Variants in TYW1 observed in about 807,000 individuals in gnomAD.
The protein encoded by TYW1 is tRNA-yW synthesizing protein 1 homolog.
In TYW1, 46 loss-of-function variants were observed where a neutral mutation model predicts 96.2. The observed-to-expected ratio is 0.48, with a 90% CI of 0.38 to 0.61. TYW1 has a LOEUF of 0.61. Among genes scored for constraint, TYW1 ranks in the 20% least tolerant of loss-of-function variants. The pLI is 0.00. For missense variants in TYW1, 684 were observed against 909.6 expected, an observed-to-expected ratio of 0.75 and a Z score of 3.19; for synonymous variants, 274 against 323.0, an observed-to-expected ratio of 0.85 and a Z score of 1.63.
intron 14 of TYW1, among the ~76,000 whole-genome samples, chr7:67,186,265 T>TCCCC (rs56401730): frequency 2.9e-3 from 199 of 68,240 alleles, no homozygotes; most frequent in Non-Finnish European, 3.6e-3. Flanking sequence ...CTTCCTTTCT[T>TCCCC]CCCCCCCGCC....
At chr7:67,007,244 A>G (rs11766621) in intron 3 of TYW1, among the ~76,000 whole-genome samples, 101,539 of 151,796 alleles carry the variant, frequency 0.67, 34,039 homozygotes, top group Middle Eastern at 0.75. Context: ...CCTCCCAAGG[A>G]TACCTGGGGG....
At chr7:67,009,437 G>T (rs866706491) in intron 3 of TYW1, 146 bp from the exon 4 acceptor site, 5 of 672,780 alleles carry the variant, frequency 7.4e-6, no homozygotes, top group Middle Eastern at 5.1e-4. Context: ...GTAAGAGTGA[G>T]GATAGAATTT....
chr7:67,078,472 G>A (rs966563080), intron 10 of TYW1, among the ~76,000 whole-genome samples: 2 of 152,104 alleles, frequency 1.3e-5, no homozygotes, highest in African/African-American at 4.8e-5. Flanking sequence ...GCTATTTGGG[G>A]ATTTTAATGG....
intron 6 of TYW1, among the ~76,000 whole-genome samples, chr7:67,020,855 C>T (rs1794230205): frequency 6.6e-6 from 1 of 152,278 alleles, no homozygotes; most frequent in Non-Finnish European, 1.5e-5. Context: ...TGGTGAAACC[C>T]TGTCTCTATT....
At chr7:67,069,468 G>A (rs1175606543) in intron 10 of TYW1, among the ~76,000 whole-genome samples, 1 of 152,224 alleles carries the variant, frequency 6.6e-6, no homozygotes, top group African/African-American at 2.4e-5. Context: ...GCCAGGTGCA[G>A]TGGCTTATGC....
At chr7:67,205,243 G>A (rs1288342819) in intron 15 of TYW1, among the ~76,000 whole-genome samples, 1 of 152,132 alleles carries the variant, frequency 6.6e-6, no homozygotes, top group Admixed American at 6.6e-5. Flanking sequence ...TTGACCTATT[G>A]TAGGAAGGGT....
intron 14 of TYW1, among the ~76,000 whole-genome samples, chr7:67,191,828 C>T (rs1180932044): frequency 2.6e-5 from 4 of 152,066 alleles, no homozygotes; most frequent in East Asian, 1.9e-4. Context: ...TCTGGCTCTG[C>T]GGTTGACTCA....
intron 10 of TYW1, among the ~76,000 whole-genome samples, chr7:67,082,960 C>G (rs1796432264): frequency 6.6e-6 from 1 of 151,660 alleles, no homozygotes; most frequent in Non-Finnish European, 1.5e-5. Context: ...GTTGTAGCTG[C>G]TTGGGTCCCA....
Position 67,091,115 on chromosome 7 carries a change from G to A in TYW1, c.1385-7426G>A, listed in dbSNP as rs543191040. On this transcript the variant is annotated intron_variant, in intron 11 of 15. Coordinates refer to ENST00000359626, the MANE Select transcript of TYW1 (RefSeq NM_018264.4). Reference sequence around the variant, plus strand: ...TGCTGTTATAAAGACACATGTACACGTATGTTTATTGCAGCACTATTCACA... The same window carrying A: ...TGCTGTTATAAAGACACATGTACACATATGTTTATTGCAGCACTATTCACA... Among the ~76,000 whole-genome samples the A allele has an allele frequency of 1.2e-4, 19 of 152,250 alleles. No individual in the cohort carries two copies. The East Asian group carries it at 2.3e-3, about 19-fold the overall frequency.
chr7:67,054,864 C>CT (rs1012999156), intron 8 of TYW1, among the ~76,000 whole-genome samples: 5 of 152,150 alleles, frequency 3.3e-5, no homozygotes, highest in African/African-American at 1.2e-4. Flanking sequence ...TTTGGCCTGG[C>CT]TTTTTCCATG....
chr7:67,090,393 A>T (rs1796676528), intron 11 of TYW1, among the ~76,000 whole-genome samples: 1 of 152,194 alleles, frequency 6.6e-6, no homozygotes, highest in African/African-American at 2.4e-5. Context: ...TATACTGAGC[A>T]TTACATCATG....
At chr7:66,997,234 C>G (rs1181200679) in intron 1 of TYW1, among the ~76,000 whole-genome samples, 4 of 152,098 alleles carry the variant, frequency 2.6e-5, no homozygotes, top group African/African-American at 9.7e-5. Context: ...AGGACTTTTG[C>G]ACCTGTAAAG....
chr7:67,188,797 T>C (rs1800109702), intron 14 of TYW1, among the ~76,000 whole-genome samples: 1 of 152,126 alleles, frequency 6.6e-6, no homozygotes, highest in Non-Finnish European at 1.5e-5. Flanking sequence ...GTGAAATCAA[T>C]AATACAAATT....
At chr7:67,115,583 C>A (rs539517605) in intron 12 of TYW1, among the ~76,000 whole-genome samples, 2 of 152,278 alleles carry the variant, frequency 1.3e-5, no homozygotes, top group South Asian at 4.1e-4. Context: ...TAAGCCACAT[C>A]ATTGCAAGCA....
At position 67,083,446 on chromosome 7, in the gene TYW1, G is replaced by A. The variant is rs1796444295; in HGVS notation, c.1291G>A (p.Val431Met). 5.6e-6 allele frequency: 9 copies of A among 1,614,026 alleles called. No homozygotes were observed. Among genetic ancestry groups the A allele is most frequent in the African/African-American group, 2.7e-5 (2 of 74,920 alleles). ...TGTTCCTAGGCACCACACCAACCCC[G>A]TGGGCACTGAGTGGCGGTGGAAGAT... ...VFCWRHHTNP[V>M]GTEWRWKMDQ... Residue 431 changes from valine (V) to methionine (M), a missense_variant, in exon 11 of 16, where the codon GTG (valine) becomes ATG (methionine). By Grantham distance (21) the Val-to-Met change is conservative. Transcript: ENST00000359626.
chr7:67,019,820 A>G (rs1198221690), intron 6 of TYW1, among the ~76,000 whole-genome samples: 1 of 152,292 alleles, frequency 6.6e-6, no homozygotes, highest in East Asian at 1.9e-4. Context: ...TTATAGCGAT[A>G]ATATTGATTA....
At chr7:67,194,861 G>T (rs1042273551) in intron 14 of TYW1, among the ~76,000 whole-genome samples, 9 of 143,114 alleles carry the variant, frequency 6.3e-5, no homozygotes, top group African/African-American at 2.4e-4. Flanking sequence ...TGAATCAAAA[G>T]ACATGCTGTT....
Position 67,195,292 on chromosome 7 carries a change from A to T in TYW1, c.1932A>T (p.Ala644=). ...LVDLIPEYEI[A]CEHEHSNCLL... ...ATCTGATCCCCGAATATGAAATTGC[A>T]TGTGAACACGAACACTCTAATTGCC... The change falls in exon 15 of 16, where the codon GCA becomes GCT. Residue 644 remains alanine (A), a synonymous_variant. Transcript: ENST00000359626. The T allele has an allele frequency of 6.2e-7, 1 of 1,612,964 alleles. No individual in the cohort carries two copies. Among genetic ancestry groups the T allele is most frequent in the Non-Finnish European group, 8.5e-7 (1 of 1,179,578 alleles).
chr7:67,067,505 G>C (rs2115673051), intron 10 of TYW1, 102 bp downstream of exon 10: 1 of 1,332,952 alleles, frequency 7.5e-7, no homozygotes, highest in East Asian at 2.3e-5. Context: ...CTGCTGTCTT[G>C]GTGATTAATC....
Sources: allele counts gnomAD v4.1 joint callset (sites outside exome capture counted in the v4.1 genomes callset), GRCh38; gene constraint gnomAD v4.1.1; transcripts MANE v1.5; gene names NCBI Gene and HGNC (gene_info 2026-07-23, HGNC 2026-07-21).